TTLL8: variants seen among roughly 807,000 people sequenced by gnomAD.
TTLL8 encodes the protein tubulin tyrosine ligase like 8, also known as protein monoglycylase TTLL8.
In TTLL8, 65 loss-of-function variants were observed where a neutral mutation model predicts 77.8. The observed-to-expected ratio is 0.84, with a 90% confidence interval of 0.68 to 1.03. TTLL8 has a LOEUF of 1.03. TTLL8 is among the 50% of genes least tolerant of loss of function. The probability of loss-of-function intolerance (pLI) is 0.00; values close to 1 mark genes in which losing one functional copy is unlikely to be tolerated. For synonymous variants in TTLL8, 402 were observed against 422.8 expected, an observed-to-expected ratio of 0.95 and a Z score of 0.60; for missense variants, 910 against 1,004.5, an observed-to-expected ratio of 0.91 and a Z score of 1.27.
intron 4 of TTLL8, among the ~76,000 whole-genome samples, chr22:50,046,811 G>A (rs988554306): frequency 2.6e-5 from 4 of 152,192 alleles, no homozygotes; most frequent in Admixed American, 1.3e-4. Flanking sequence ...CGGGGGAGGC[G>A]GGGGAGTGCC....
At chr22:50,031,609 C>A in intron 11 of TTLL8, 77 bp downstream of exon 12, 5 of 1,205,368 alleles carry the variant, frequency 4.1e-6, no homozygotes, top group Non-Finnish European at 5.3e-6. Flanking sequence ...GCAGCTCCAC[C>A]CTCGCCCAGT....
intron 12 of TTLL8, 95 bp downstream of exon 13, chr22:50,030,335 G>T (rs929951207): frequency 1.7e-6 from 2 of 1,146,792 alleles, no homozygotes; most frequent in Non-Finnish European, 2.2e-6. Context: ...CCTGCCCTGC[G>T]CCCCGCTCTG....
At chr22:50,048,864 T>C (rs2146692727) in intron 3 of TTLL8, among the ~76,000 whole-genome samples, 1 of 152,298 alleles carries the variant, frequency 6.6e-6, no homozygotes, top group South Asian at 2.1e-4. Flanking sequence ...GGGAGGCACA[T>C]ACTACTGTGT....
chr22:50,022,968 G>A (rs936764621), intron 12 of TTLL8, among the ~76,000 whole-genome samples: 3 of 152,060 alleles, frequency 2.0e-5, no homozygotes, highest in Admixed American at 6.6e-5. Flanking sequence ...TTACCAACAC[G>A]TCAGGACAGA....
Position 50,049,254 on chromosome 22 carries a change from C to T in TTLL8, c.259G>A (p.Val87Met), listed in dbSNP as rs113127908. ...GACGCATGCAGGGGACGTACCATCA[C>T]GTCGTGGATGTTGTCTGTTTTCTCC... The change falls in exon 3 of 14, where the codon GTG (valine) becomes ATG (methionine). Residue 87 changes from valine (V) to methionine (M), a missense_variant. This residue lies in a region of TTLL8 where 776 missense variants were observed against 926.1 expected (regional missense o/e 0.84). Coordinates refer to ENST00000266182, the Ensembl canonical transcript of TTLL8. 5.0e-3 allele frequency: 6,861 copies of T among 1,367,668 alleles called. 310 individuals carry two copies. In the African/African-American group the frequency reaches 0.093, roughly 19 times the overall value. The allele number at this position is 1,367,668 out of a possible 1,614,324, so 84.7% of individuals were successfully genotyped here.
At chr22:50,030,575 G>A in exon 12 of TTLL8, 1 of 1,306,098 alleles carries the variant, frequency 7.7e-7, no homozygotes, top group Non-Finnish European at 1.0e-6. Context: ...GGGCCTGACT[G>A]TCCACGTGGC....
At chr22:50,023,787 G>A (rs1356735724) in intron 12 of TTLL8, among the ~76,000 whole-genome samples, 1 of 152,090 alleles carries the variant, frequency 6.6e-6, no homozygotes, top group African/African-American at 2.4e-5. Flanking sequence ...TTGGGAGGCC[G>A]AGGTGGGCAG....
At chr22:50,045,320 C>T (rs373723713) in exon 6 of TTLL8, 14 of 1,365,020 alleles carry the variant, frequency 1.0e-5, no homozygotes, top group Non-Finnish European at 1.1e-5. Flanking sequence ...GCTTCTGCTG[C>T]TCCTGCTGCA....
At chr22:50,038,682 C>T (rs929290895) in intron 8 of TTLL8, among the ~76,000 whole-genome samples, 2 of 152,024 alleles carry the variant, frequency 1.3e-5, no homozygotes, top group East Asian at 3.9e-4. Flanking sequence ...TGTGGTGGCA[C>T]GTGCCTGGAG....
rs2061324477 is a variant in TTLL8, at chr22:50,034,789, A to G, written c.922-327T>C. Among the ~76,000 whole-genome samples the G allele has an allele frequency of 6.6e-6, 1 of 150,928 alleles. No homozygotes were observed. Among genetic ancestry groups the G allele is most frequent in the Admixed American group, 6.6e-5 (1 of 15,196 alleles). ...TGCCTGGGTGGAAATGGTGGGATGCACGGGTGGGGGTGGGGAGATGCAGCC... is the reference window on the plus strand; with the variant it reads ...TGCCTGGGTGGAAATGGTGGGATGCGCGGGTGGGGGTGGGGAGATGCAGCC... On this transcript the variant is annotated intron_variant, in intron 8 of 13. Coordinates refer to ENST00000266182, the Ensembl canonical transcript of TTLL8. This position sits in a 1 kb window ranked among gnomAD's most constrained non-coding sequence, Gnocchi z 4.1.
In TTLL8 at chr22:50,034,795, G is replaced by C. The variant is rs998698457; in HGVS notation, c.922-333C>G. ...GGTGGAAATGGTGGGATGCACGGGT[G>C]GGGGTGGGGAGATGCAGCCACGCGG... On this transcript the variant is annotated intron_variant, in intron 8 of 13. Transcript: ENST00000266182. This position sits in a 1 kb window ranked among gnomAD's most constrained non-coding sequence, Gnocchi z 4.1. Among the ~76,000 whole-genome samples the C allele has an allele frequency of 1.3e-5, 2 of 152,190 alleles. No individual in the cohort carries two copies. Among genetic ancestry groups the C allele is most frequent in the African/African-American group, 4.8e-5 (2 of 41,458 alleles).
intron 8 of TTLL8, among the ~76,000 whole-genome samples, chr22:50,036,549 A>C (rs1295233306): frequency 1.3e-5 from 2 of 151,792 alleles, no homozygotes; most frequent in Middle Eastern, 6.3e-3. Context: ...ACTTCCTGTC[A>C]ATGAAACTAC....
At position 50,041,968 on chromosome 22, in the gene TTLL8, C is replaced by T. The variant is rs1191599636; in HGVS notation, c.644-161G>A. Among the ~76,000 whole-genome samples the T allele has an allele frequency of 1.3e-5, 2 of 152,182 alleles. No homozygotes were observed. Among genetic ancestry groups the T allele is most frequent in the African/African-American group, 4.8e-5 (2 of 41,436 alleles). Reference sequence around the variant, plus strand: ...AGATCCCCAGACAGGCACCCCAATACCCAACCAAGCTTCTCTGGGCAACCG... The same window carrying T: ...AGATCCCCAGACAGGCACCCCAATATCCAACCAAGCTTCTCTGGGCAACCG... On this transcript the variant is annotated intron_variant, in intron 6 of 13. Coordinates refer to ENST00000266182, the Ensembl canonical transcript of TTLL8. The surrounding 1 kb of genome is among the most constrained non-coding windows in gnomAD (Gnocchi z 4.3).
At chr22:50,052,497 G>A (rs981782236) in intron 1 of TTLL8, among the ~76,000 whole-genome samples, 1 of 152,138 alleles carries the variant, frequency 6.6e-6, no homozygotes, top group African/African-American at 2.4e-5. Flanking sequence ...CGTACTAAAT[G>A]AATGAAGATA....
rs1345941439 is a variant in TTLL8, at chr22:50,034,211, C to G, written c.1039+134G>C. On this transcript the variant is annotated intron_variant, in intron 9 of 13. Transcript: ENST00000266182. The surrounding 1 kb of genome is among the most constrained non-coding windows in gnomAD (Gnocchi z 4.1). Reference sequence around the variant, plus strand: ...TCCAGCGCCTGAGTCCTGACCCCCACGCCTGCCTCGGCGTTCTGCTCCCTC... The same window carrying G: ...TCCAGCGCCTGAGTCCTGACCCCCAGGCCTGCCTCGGCGTTCTGCTCCCTC... 1.8e-6 allele frequency: 2 copies of G among 1,137,928 alleles called. No individual in the cohort carries two copies. Among genetic ancestry groups the G allele is most frequent in the East Asian group, 1.2e-4 (2 of 16,978 alleles). 70.5% of individuals were successfully genotyped at this position (1,137,928 alleles called of 1,614,324 possible).
Position 50,047,300 on chromosome 22 carries a change from G to T in TTLL8, c.265-4C>A, listed in dbSNP as rs577286691. The T allele has an allele frequency of 5.9e-5, 81 of 1,366,950 alleles. No individual in the cohort carries two copies. The highest frequency in any genetic ancestry group is 3.4e-4 in the South Asian group (30 of 87,926). The allele number at this position is 1,366,950 out of a possible 1,614,324, so 84.7% of individuals were successfully genotyped here. A position where few individuals can be genotyped will look rare whatever the true frequency, so the allele number is the denominator to read the frequency against. ...TCTCATTTTTTACCAACCTAGACTGGCAAGAAAAAAGTCTTTATTGATGCC... is the reference window on the plus strand; with the variant it reads ...TCTCATTTTTTACCAACCTAGACTGTCAAGAAAAAAGTCTTTATTGATGCC... On this transcript the variant is annotated splice_region_variant and splice_polypyrimidine_tract_variant and intron_variant, in intron 3 of 13. Transcript: ENST00000266182.
At chr22:50,045,670 C>A in intron 5 of TTLL8, 186 bp downstream of exon 7, 2 of 786,668 alleles carry the variant, frequency 2.5e-6, no homozygotes, top group Non-Finnish European at 3.1e-6. Flanking sequence ...CCACACACTC[C>A]TTGACTGCCC....
chr22:50,053,624 C>T (rs557208317), intron 1 of TTLL8, among the ~76,000 whole-genome samples: 15 of 152,170 alleles, frequency 9.9e-5, no homozygotes, highest in Middle Eastern at 3.4e-3. Flanking sequence ...AATTAATGAG[C>T]GGATATGGTT....
chr22:50,050,220 G>A (rs781189000), exon 2 of TTLL8: 9 of 1,348,214 alleles, frequency 6.7e-6, no homozygotes, highest in Non-Finnish European at 8.9e-6. Context: ...ACCGGGTAGT[G>A]TCCGTAGATA....
Sources: allele counts gnomAD v4.1 joint callset (sites outside exome capture counted in the v4.1 genomes callset), GRCh38; gene constraint gnomAD v4.1.1; regional missense constraint gnomAD v4.1.1; non-coding constraint Gnocchi (gnomAD v3.1); transcripts MANE v1.5; gene names NCBI Gene and HGNC (gene_info 2026-07-23, HGNC 2026-07-21).